CHST9: variants seen among roughly 807,000 people sequenced by gnomAD.
CHST9 encodes carbohydrate sulfotransferase 9.
In CHST9, 41 loss-of-function variants were observed where a neutral mutation model predicts 44.4. The ratio of observed to expected loss-of-function variants is 0.92; its 90% CI spans 0.72 to 1.20. CHST9 has a LOEUF of 1.20. Ranked by LOEUF, CHST9 falls within the 50% of genes most tolerant of loss-of-function variation. The pLI, the probability that CHST9 is intolerant of heterozygous loss-of-function variation, is 0.00. For missense variants in CHST9, 504 were observed against 516.5 expected, an observed-to-expected ratio of 0.98 and a Z score of 0.23; for synonymous variants, 171 against 178.4, an observed-to-expected ratio of 0.96 and a Z score of 0.33.
At chr18:27,118,235 A>C (rs561082042) in intron 2 of CHST9, among the ~76,000 whole-genome samples, 4 of 151,996 alleles carry the variant, frequency 2.6e-5, no homozygotes, top group African/African-American at 9.7e-5. Context: ...TTTTAAATGG[A>C]GTTGTTCATT....
intron 3 of CHST9, among the ~76,000 whole-genome samples, chr18:27,035,641 A>T (rs2057383210): frequency 6.6e-6 from 1 of 152,168 alleles, no homozygotes; most frequent in Non-Finnish European, 1.5e-5. Context: ...AAATCCTGCC[A>T]TTTGTGATGA....
chr18:27,153,737 T>C (rs768808022), intron 1 of CHST9, among the ~76,000 whole-genome samples: 19 of 152,104 alleles, frequency 1.2e-4, no homozygotes, highest in Admixed American at 5.9e-4. Flanking sequence ...AGATTCTGGG[T>C]GTTAGAATGT....
chr18:27,049,217 A>T (rs775135051), intron 2 of CHST9, among the ~76,000 whole-genome samples: 1 of 152,112 alleles, frequency 6.6e-6, no homozygotes, highest in Non-Finnish European at 1.5e-5. Flanking sequence ...GAAGTAGTGG[A>T]TGCAAGAGAC....
chr18:27,019,291 C>T (rs1252056799), intron 4 of CHST9, among the ~76,000 whole-genome samples: 3 of 152,184 alleles, frequency 2.0e-5, no homozygotes, highest in Non-Finnish European at 4.4e-5. Context: ...TCACACGGCA[C>T]TGCAGTTTGG....
chr18:26,962,011 T>A (rs1341398180), intron 4 of CHST9, among the ~76,000 whole-genome samples: 1 of 152,168 alleles, frequency 6.6e-6, no homozygotes, highest in Admixed American at 6.5e-5. Context: ...CAGGACAGAT[T>A]CGGAGTGAGA....
At chr18:26,959,232 A>T (rs796498828) in intron 4 of CHST9, among the ~76,000 whole-genome samples, 1 of 152,214 alleles carries the variant, frequency 6.6e-6, no homozygotes, top group Non-Finnish European at 1.5e-5. Context: ...ACCAAATTCT[A>T]CATGTTCTCA....
At chr18:27,033,485 G>A (rs1598656623) in intron 3 of CHST9, among the ~76,000 whole-genome samples, 1 of 152,244 alleles carries the variant, frequency 6.6e-6, no homozygotes, top group East Asian at 1.9e-4. Flanking sequence ...CTAGTTGCAG[G>A]TCCTGGCTGA....
At chr18:27,094,617 A>G (rs1223883598) in intron 2 of CHST9, among the ~76,000 whole-genome samples, 2 of 152,228 alleles carry the variant, frequency 1.3e-5, no homozygotes, top group East Asian at 3.9e-4. Flanking sequence ...TATCAAAGAG[A>G]GATTTCAGGA....
intron 2 of CHST9, among the ~76,000 whole-genome samples, chr18:27,053,024 C>T (rs1284976520): frequency 3.3e-5 from 5 of 150,988 alleles, no homozygotes; most frequent in Non-Finnish European, 5.9e-5. Context: ...ACCATCATGG[C>T]ACAGGTATTC....
At chr18:27,167,333 A>T (rs901202019) in intron 1 of CHST9, among the ~76,000 whole-genome samples, 2 of 152,122 alleles carry the variant, frequency 1.3e-5, no homozygotes, top group African/African-American at 4.8e-5. Context: ...TACCTCTGCA[A>T]CCTAATGTCC....
intron 2 of CHST9, among the ~76,000 whole-genome samples, chr18:27,138,829 A>T (rs1453925019): frequency 6.6e-6 from 1 of 152,152 alleles, no homozygotes; most frequent in Non-Finnish European, 1.5e-5. Context: ...CAAACAGGAG[A>T]TCTGAGATTT....
chr18:26,976,933 T>C (rs536366670), intron 4 of CHST9, among the ~76,000 whole-genome samples: 2 of 152,224 alleles, frequency 1.3e-5, no homozygotes, highest in South Asian at 4.1e-4. Context: ...TCCAAGGTTT[T>C]TTCATTTTGT....
chr18:27,053,275 A>AAGAAGAAGAG lies in CHST9; in HGVS notation c.122-4773_122-4772insCTCTTCTTCT, dbSNP rs1568151279. ...AAGAAGAAGAAGGAGAAGGAGAAGG[A>AAGAAGAAGAG]GAAGGAGAAGGAGAAGGAGAAGGAG... is the stretch of plus-strand genomic sequence containing the variant. On this transcript the variant is annotated intron_variant, in intron 2 of 5. Transcript: ENST00000618847. 1.0e-4 allele frequency among the ~76,000 whole-genome samples: 13 copies of AAGAAGAAGAG among 125,720 alleles called. 2 individuals are homozygous for AAGAAGAAGAG. Among genetic ancestry groups the AAGAAGAAGAG allele is most frequent in the African/African-American group, 4.0e-4 (13 of 32,354 alleles). The allele number at this position is 125,720 out of a possible 152,430, so 82.5% of individuals were successfully genotyped here.
intron 1 of CHST9, among the ~76,000 whole-genome samples, chr18:27,149,757 T>C (rs183300098): frequency 1.3e-5 from 2 of 152,230 alleles, no homozygotes; most frequent in East Asian, 3.9e-4. Flanking sequence ...TTCTGAGCCA[T>C]TTTGCAACTT....
intron 3 of CHST9, among the ~76,000 whole-genome samples, chr18:27,028,554 CT>C (rs528643308): frequency 3.2e-4 from 47 of 146,926 alleles, no homozygotes; most frequent in Non-Finnish European, 3.6e-4. Flanking sequence ...AAAGTAACTT[CT>C]TTTTTTTTTT....
At chr18:27,133,947 C>A (rs2058493125) in intron 2 of CHST9, among the ~76,000 whole-genome samples, 1 of 152,154 alleles carries the variant, frequency 6.6e-6, no homozygotes, top group African/African-American at 2.4e-5. Flanking sequence ...GTTTGCCACA[C>A]TTACAGATAT....
At chr18:27,071,719 C>G (rs1398491414) in intron 2 of CHST9, among the ~76,000 whole-genome samples, 1 of 152,094 alleles carries the variant, frequency 6.6e-6, no homozygotes, top group East Asian at 1.9e-4. Flanking sequence ...GCTGCCAGGA[C>G]AAAATGAACT....
intron 2 of CHST9, among the ~76,000 whole-genome samples, chr18:27,110,082 C>T (rs1863631): frequency 0.33 from 49,744 of 151,530 alleles, 8,469 homozygotes; most frequent in East Asian, 0.49. Context: ...AAAATAAATC[C>T]TACTATAAAA....
At chr18:26,944,603 G>A (rs2056134813) in intron 4 of CHST9, among the ~76,000 whole-genome samples, 1 of 152,076 alleles carries the variant, frequency 6.6e-6, no homozygotes, top group Non-Finnish European at 1.5e-5. Context: ...ATCCAATAAG[G>A]GTGATACCAG....
Sources: gnomAD v4.1 joint callset for allele counts (sites outside exome capture counted in the v4.1 genomes callset) on GRCh38, gnomAD v4.1.1 for gene constraint, MANE v1.5 for transcripts, NCBI Gene and HGNC (gene_info 2026-07-23, HGNC 2026-07-21) for gene names.